PLPPR1: variants seen among roughly 807,000 people sequenced by gnomAD.
PLPPR1 encodes the protein phospholipid phosphatase related 1, also known as phospholipid phosphatase-related protein type 1.
In PLPPR1, 10 loss-of-function variants were observed where a neutral mutation model predicts 33.1. The ratio of observed to expected loss-of-function variants is 0.30; its 90% CI spans 0.19 to 0.51. The LOEUF (loss-of-function observed/expected upper bound fraction) is 0.51. PLPPR1 is among the 20% of genes least tolerant of loss of function. The pLI is 0.97. For synonymous variants in PLPPR1, 151 were observed against 151.0 expected (o/e 1.00, Z 0.00); for missense variants, 304 against 408.1 (o/e 0.74, Z 2.20).
intron 2 of PLPPR1, among the ~76,000 whole-genome samples, chr9:101,240,884 C>G (rs913672000): frequency 1.3e-5 from 2 of 152,074 alleles, no homozygotes; most frequent in Admixed American, 6.6e-5. Flanking sequence ...GTGTAAGTCT[C>G]ATTCCCTCCT....
chr9:101,044,548 G>A (rs376496869), intron 1 of PLPPR1, among the ~76,000 whole-genome samples: 35 of 152,292 alleles, frequency 2.3e-4, no homozygotes, highest in African/African-American at 7.0e-4. Flanking sequence ...ATTGTTTTGA[G>A]ATAAAGTATT....
At chr9:101,042,233 G>A (rs1830085543) in intron 1 of PLPPR1, among the ~76,000 whole-genome samples, 1 of 152,118 alleles carries the variant, frequency 6.6e-6, no homozygotes, top group Non-Finnish European at 1.5e-5. Flanking sequence ...TTTCATCAAA[G>A]GGTAAGCCTT....
intron 1 of PLPPR1, among the ~76,000 whole-genome samples, chr9:101,058,785 T>G (rs1320477425): frequency 6.6e-6 from 1 of 152,152 alleles, no homozygotes; most frequent in Non-Finnish European, 1.5e-5. Flanking sequence ...TAACAACAAT[T>G]AAGTTCCAAA....
At chr9:101,072,019 G>A (rs1343663035) in intron 1 of PLPPR1, among the ~76,000 whole-genome samples, 2 of 152,128 alleles carry the variant, frequency 1.3e-5, no homozygotes, top group African/African-American at 2.4e-5. Flanking sequence ...GTTGGAACGT[G>A]GTGTTTGGAG....
chr9:101,034,827 G>T (rs970445660), intron 1 of PLPPR1, among the ~76,000 whole-genome samples: 2 of 151,436 alleles, frequency 1.3e-5, no homozygotes, highest in African/African-American at 4.8e-5. Flanking sequence ...GGGCGGGGGG[G>T]TTGGTTATAA....
chr9:101,064,381 T>A (rs1405604555), intron 1 of PLPPR1, among the ~76,000 whole-genome samples: 1 of 146,854 alleles, frequency 6.8e-6, no homozygotes, highest in South Asian at 2.2e-4. Context: ...TGAATAGGGT[T>A]ATGGAATGAA....
intron 1 of PLPPR1, among the ~76,000 whole-genome samples, chr9:101,146,930 T>G (rs1391770670): frequency 6.6e-6 from 1 of 152,236 alleles, no homozygotes; most frequent in African/African-American, 2.4e-5. Flanking sequence ...CTGTTTCTGA[T>G]TTATGCTGCT....
At position 101,276,986 on chromosome 9, in the gene PLPPR1, G is replaced by C. The variant is rs544192397; in HGVS notation, c.252+6918G>C. Among the ~76,000 whole-genome samples, 267 of 152,326 alleles carry C rather than the reference G, an allele frequency of 1.8e-3. 3 individuals carry two copies. The highest frequency in any genetic ancestry group is 6.2e-3 in the African/African-American group (259 of 41,580). The stretch of plus-strand genomic sequence containing the variant: ...CCAAAGTTCTGCAAGTAAGGGGACA[G>C]GAAGCTCTCTGCAGGTCTGGGGTTA... On this transcript the variant is annotated intron_variant, in intron 3 of 7. Transcript: ENST00000374874.
At position 101,084,361 on chromosome 9, in the gene PLPPR1, AG is replaced by A. The variant is rs570609495; in HGVS notation, c.-46+55260del. Among the ~76,000 whole-genome samples, 164 of 152,264 alleles carry A rather than the reference AG, an allele frequency of 1.1e-3. 1 individual carries two copies. Among genetic ancestry groups the A allele is most frequent in the African/African-American group, 3.9e-3 (161 of 41,544 alleles). On this transcript the variant is annotated intron_variant, in intron 1 of 7. Coordinates refer to ENST00000374874, the MANE Select transcript of PLPPR1 (RefSeq NM_207299.2). ...ATGCCTATGGAGGCGGTTCCCTAAG[AG>A]TGAAAGCAGTGTGGCAATGATGATG...
intron 1 of PLPPR1, among the ~76,000 whole-genome samples, chr9:101,082,647 T>C (rs949478774): frequency 6.6e-6 from 1 of 152,200 alleles, no homozygotes; most frequent in African/African-American, 2.4e-5. Flanking sequence ...CCTTACCTTT[T>C]CTGGGTTTTA....
In PLPPR1 at chr9:101,278,816, T is replaced by C. The variant is rs1231263437; in HGVS notation, c.253-7288T>C. Among the ~76,000 whole-genome samples the C allele has an allele frequency of 3.9e-5, 6 of 152,180 alleles. No individual in the cohort carries two copies. The East Asian group carries it at 1.2e-3, about 29-fold the overall frequency. On this transcript the variant is annotated intron_variant, in intron 3 of 7. Coordinates refer to ENST00000374874, the MANE Select transcript of PLPPR1 (RefSeq NM_207299.2). ...GCTTGACTTCAGTGTCTATAGGATC[T>C]GGACAGGCCAGAGCAGCAGGCAGGC... is the stretch of plus-strand genomic sequence containing the variant.
At chr9:101,136,287 CAT>C (rs1831376177) in intron 1 of PLPPR1, among the ~76,000 whole-genome samples, 1 of 152,184 alleles carries the variant, frequency 6.6e-6, no homozygotes. Context: ...CTGGAAGAAA[CAT>C]ATAATGTTCA....
chr9:101,048,640 A>G (rs1261366308), intron 1 of PLPPR1, among the ~76,000 whole-genome samples: 1 of 152,246 alleles, frequency 6.6e-6, no homozygotes, highest in Non-Finnish European at 1.5e-5. Context: ...ACACTGTCTC[A>G]TTTCAGGGAG....
At chr9:101,165,300 C>G (rs1825839336) in intron 1 of PLPPR1, among the ~76,000 whole-genome samples, 1 of 152,168 alleles carries the variant, frequency 6.6e-6, no homozygotes, top group African/African-American at 2.4e-5. Context: ...AGCACGAAAT[C>G]AATGGCTGAG....
At chr9:101,258,126 T>C (rs1416371298) in intron 2 of PLPPR1, among the ~76,000 whole-genome samples, 2 of 152,150 alleles carry the variant, frequency 1.3e-5, no homozygotes, top group Non-Finnish European at 2.9e-5. Context: ...AAGTAGTTAA[T>C]GGTCAATCTA....
intron 3 of PLPPR1, among the ~76,000 whole-genome samples, chr9:101,276,421 C>A (rs1255876996): frequency 6.6e-6 from 1 of 151,952 alleles, no homozygotes; most frequent in Non-Finnish European, 1.5e-5. Context: ...TGTTTTTCTC[C>A]TGACATCATG....
intron 1 of PLPPR1, among the ~76,000 whole-genome samples, chr9:101,177,705 G>T (rs1826038875): frequency 6.6e-6 from 1 of 151,940 alleles, no homozygotes; most frequent in Non-Finnish European, 1.5e-5. Context: ...CTATTAATGA[G>T]GTTGTAAATA....
chr9:101,277,605 A>G (rs1828220831), intron 3 of PLPPR1, among the ~76,000 whole-genome samples: 1 of 152,160 alleles, frequency 6.6e-6, no homozygotes, highest in African/African-American at 2.4e-5. Flanking sequence ...CATAATGGCA[A>G]AGATGTTGGA....
At chr9:101,098,403 C>T (rs1418999968) in intron 1 of PLPPR1, among the ~76,000 whole-genome samples, 1 of 151,986 alleles carries the variant, frequency 6.6e-6, no homozygotes. Context: ...ACTTCTGCAA[C>T]ATTCAGAAGG....
Sources: gnomAD v4.1 joint callset for allele counts (sites outside exome capture counted in the v4.1 genomes callset) on GRCh38, gnomAD v4.1.1 for gene constraint, MANE v1.5 for transcripts, NCBI Gene and HGNC (gene_info 2026-07-23, HGNC 2026-07-21) for gene names.